DIAPH2: variants seen among roughly 807,000 people sequenced by gnomAD.
DIAPH2 encodes diaphanous related formin 2, also known as protein diaphanous homolog 2.
Under a neutral mutation model 92.7 loss-of-function variants are expected in DIAPH2, and 35 were observed. The ratio of observed to expected loss-of-function variants is 0.38; its 90% CI spans 0.29 to 0.50. The LOEUF (loss-of-function observed/expected upper bound fraction) is 0.50, where lower values mean the gene tolerates loss of function less well. Among genes scored for constraint, DIAPH2 ranks in the 20% least tolerant of loss-of-function variants. The probability of loss-of-function intolerance (pLI) is 0.94; values close to 1 mark genes in which losing one functional copy is unlikely to be tolerated. For synonymous variants in DIAPH2, 301 were observed against 280.4 expected (o/e 1.07, Z -0.73); for missense variants, 701 against 819.5 (o/e 0.86, Z 1.77).
intron 22 of DIAPH2, among the ~76,000 whole-genome samples, chrX:97,194,323 C>G (rs2067680051): frequency 9.4e-6 from 1 of 106,484 alleles, no homozygotes; most frequent in African/African-American, 3.4e-5. Flanking sequence ...GCTCTGTTGC[C>G]CAGGCTGGAG....
At position 96,919,898 on chromosome X, in the gene DIAPH2, T is replaced by A. The variant is rs770478392; in HGVS notation, c.978+1281T>A. The stretch of plus-strand genomic sequence containing the variant: ...TTATTTATTTATTTATTTATTTATT[T>A]ATTAAGATGGAGTCTCACTCTGTTG... On this transcript the variant is annotated intron_variant, in intron 9 of 26. Transcript: ENST00000324765. Among the ~76,000 whole-genome samples, 165 of 109,248 alleles carry A rather than the reference T, an allele frequency of 1.5e-3. 1 individual carries two copies. The highest frequency in any genetic ancestry group is 5.2e-3 in the African/African-American group (155 of 30,093). The allele number at this position is 109,248 out of a possible 115,157, so 94.9% of individuals were successfully genotyped here.
At chrX:97,280,091 C>T (rs112148216) in intron 23 of DIAPH2, among the ~76,000 whole-genome samples, 74 of 111,247 alleles carry the variant, frequency 6.7e-4, no homozygotes, top group African/African-American at 2.3e-3. Flanking sequence ...AGTATTTAAC[C>T]TTTTAGATAG....
intron 26 of DIAPH2, among the ~76,000 whole-genome samples, chrX:97,541,723 G>A (rs964303030): frequency 8.9e-6 from 1 of 112,026 alleles, no homozygotes; most frequent in Admixed American, 9.5e-5. Flanking sequence ...ACACATGTGA[G>A]GGTGAGCCTA....
intron 26 of DIAPH2, among the ~76,000 whole-genome samples, chrX:97,557,637 G>T: frequency 8.9e-6 from 1 of 112,346 alleles, no homozygotes; most frequent in Non-Finnish European, 1.9e-5. Flanking sequence ...AAAACGAAGT[G>T]AAACAGTAGT....
intron 1 of DIAPH2, among the ~76,000 whole-genome samples, chrX:96,716,709 T>A (rs1006986631): frequency 3.6e-5 from 4 of 111,653 alleles, no homozygotes; most frequent in African/African-American, 1.3e-4. Flanking sequence ...GTAGAATTGA[T>A]GTTTACTAGA....
At chrX:97,429,810 CA>C (rs375312429) in intron 26 of DIAPH2, 65 bp downstream of exon 26, 112,477 of 641,730 alleles carry the variant, frequency 0.18, 6 homozygotes, top group East Asian at 0.2. Flanking sequence ...GTAGCAACAC[CA>C]AAAAAAAAAA....
At chrX:97,220,467 G>C (rs2067915984) in intron 22 of DIAPH2, among the ~76,000 whole-genome samples, 1 of 111,234 alleles carries the variant, frequency 9.0e-6, no homozygotes, top group East Asian at 2.8e-4. Flanking sequence ...TGAAGATGTA[G>C]GTTTACTAGT....
chrX:96,735,454 G>A (rs747009983), intron 1 of DIAPH2, among the ~76,000 whole-genome samples: 1 of 111,207 alleles, frequency 9.0e-6, no homozygotes, highest in African/African-American at 3.3e-5. Flanking sequence ...CAGGGCTTAT[G>A]ATTTTGTTGT....
intron 17 of DIAPH2, among the ~76,000 whole-genome samples, chrX:97,031,024 A>T (rs951287720): frequency 9.0e-5 from 10 of 111,720 alleles, no homozygotes; most frequent in Admixed American, 1.9e-4. Context: ...TATTTTACTC[A>T]GGGCTTTACA....
At chrX:97,453,545 A>G (rs2070376370) in intron 26 of DIAPH2, among the ~76,000 whole-genome samples, 1 of 111,539 alleles carries the variant, frequency 9.0e-6, no homozygotes, top group African/African-American at 3.3e-5. Flanking sequence ...AATATTTATT[A>G]TAGCCAAAGC....
intron 22 of DIAPH2, among the ~76,000 whole-genome samples, chrX:97,205,546 A>G (rs1385074524): frequency 8.9e-6 from 1 of 112,196 alleles, no homozygotes; most frequent in Non-Finnish European, 1.9e-5. Flanking sequence ...TGGCCAACAG[A>G]TACATGAAAT....
intron 1 of DIAPH2, among the ~76,000 whole-genome samples, chrX:96,707,041 G>A (rs1434774488): frequency 9.1e-6 from 1 of 110,413 alleles, no homozygotes; most frequent in African/African-American, 3.3e-5. Flanking sequence ...ACTCAAGCCT[G>A]TAATCCCAGC....
At chrX:97,292,571 G>A (rs1448700358) in intron 23 of DIAPH2, among the ~76,000 whole-genome samples, 6 of 99,835 alleles carry the variant, frequency 6.0e-5, no homozygotes, top group South Asian at 4.9e-4. Flanking sequence ...TTTTTGAGAC[G>A]GAGTCTCACT....
intron 4 of DIAPH2, among the ~76,000 whole-genome samples, chrX:96,879,825 G>A (rs2065201828): frequency 9.1e-6 from 1 of 110,469 alleles, no homozygotes; most frequent in African/African-American, 3.3e-5. Context: ...CACCTCCCGG[G>A]TTCAAGCTAT....
At chrX:97,560,390 C>T (rs1483867824) in intron 26 of DIAPH2, among the ~76,000 whole-genome samples, 1 of 112,319 alleles carries the variant, frequency 8.9e-6, no homozygotes, top group African/African-American at 3.2e-5. Flanking sequence ...TGGCTACTAC[C>T]GTATACCCCT....
intron 1 of DIAPH2, among the ~76,000 whole-genome samples, chrX:96,717,816 G>GTGTA (rs2063959869): frequency 2.8e-5 from 1 of 36,356 alleles, no homozygotes; most frequent in Non-Finnish European, 5.4e-5. Flanking sequence ...TGGGTATATA[G>GTGTA]TATATATATA....
Position 97,248,465 on chromosome X carries a change from A to G in DIAPH2, c.2844+626A>G, listed in dbSNP as rs140967673. 8.7e-3 allele frequency among the ~76,000 whole-genome samples: 977 copies of G among 112,083 alleles called. 10 individuals carry two copies. The highest frequency in any genetic ancestry group is 0.03 in the African/African-American group (928 of 31,016). ...ATATTCATATAAATCATAAAAATAT[A>G]TAAAAGGAAAACTTGAGAAATAGCA... On this transcript the variant is annotated intron_variant, in intron 23 of 26. Transcript: ENST00000324765.
At chrX:97,386,777 GCTCT>G (rs1246669167) in intron 25 of DIAPH2, among the ~76,000 whole-genome samples, 14 of 108,344 alleles carry the variant, frequency 1.3e-4, no homozygotes, top group African/African-American at 4.7e-4. Context: ...CAGATTGTGA[GCTCT>G]CTTTCTTTCT....
intron 17 of DIAPH2, among the ~76,000 whole-genome samples, chrX:97,008,942 T>G (rs756858641): frequency 3.6e-5 from 4 of 111,175 alleles, no homozygotes; most frequent in Non-Finnish European, 1.9e-5. Context: ...TGCCTGTGTT[T>G]GCTCAAGGCC....
Sources: gnomAD v4.1 joint callset for allele counts (sites outside exome capture counted in the v4.1 genomes callset) on GRCh38, gnomAD v4.1.1 for gene constraint, MANE v1.5 for transcripts, NCBI Gene and HGNC (gene_info 2026-07-23, HGNC 2026-07-21) for gene names.